The following ZCCHC24 variants were observed in gnomAD, a reference collection of about 807,000 sequenced individuals.
ZCCHC24 encodes the protein zinc finger CCHC domain-containing protein 24.
ZCCHC24 carries 10 observed loss-of-function variants against 26.2 expected under a neutral mutation model. That is an observed-to-expected ratio of 0.38 (90% CI 0.24 to 0.65). The LOEUF (loss-of-function observed/expected upper bound fraction) is 0.65. Among genes scored for constraint, ZCCHC24 ranks in the 30% least tolerant of loss-of-function variants. The pLI, the probability that ZCCHC24 is intolerant of heterozygous loss-of-function variation, is 0.54. For missense variants in ZCCHC24, 243 were observed against 329.1 expected (o/e 0.74, Z 2.03); for synonymous variants, 144 against 147.1 (o/e 0.98, Z 0.15).
chr10:79,424,773 G>A (rs183484325), intron 2 of ZCCHC24, among the ~76,000 whole-genome samples: 37 of 152,218 alleles, frequency 2.4e-4, no homozygotes, highest in East Asian at 7.7e-4. Context: ...CCCCAGGAGC[G>A]CCTGCTGTGG....
chr10:79,423,146 G>A (rs1456037500), intron 2 of ZCCHC24, among the ~76,000 whole-genome samples: 1 of 152,140 alleles, frequency 6.6e-6, no homozygotes, highest in East Asian at 1.9e-4. Context: ...ACCCACAGTG[G>A]CCACCCAATC....
At chr10:79,396,853 TAC>T (rs532491746) in intron 2 of ZCCHC24, among the ~76,000 whole-genome samples, 138 of 152,350 alleles carry the variant, frequency 9.1e-4, no homozygotes, top group African/African-American at 2.9e-3. Context: ...TTGGGCAAGT[TAC>T]TTCACAAGGA....
At chr10:79,391,778 C>A (rs1188495183) in intron 3 of ZCCHC24, among the ~76,000 whole-genome samples, 1 of 151,688 alleles carries the variant, frequency 6.6e-6, no homozygotes, top group Non-Finnish European at 1.5e-5. Context: ...CTCAGGGTAG[C>A]CTTCCCCCAG....
chr10:79,424,017 GAAAA>G (rs5786403), intron 2 of ZCCHC24, among the ~76,000 whole-genome samples: 1 of 122,480 alleles, frequency 8.2e-6, no homozygotes, highest in Non-Finnish European at 1.7e-5. Flanking sequence ...GACTCCGTCT[GAAAA>G]AAAAAAAAAA....
intron 2 of ZCCHC24, among the ~76,000 whole-genome samples, chr10:79,431,402 A>G (rs1857125601): frequency 6.6e-6 from 1 of 152,152 alleles, no homozygotes; most frequent in South Asian, 2.1e-4. Context: ...GGTCTGCAGG[A>G]AAGTCGTCAG....
At position 79,434,033 on chromosome 10, in the gene ZCCHC24, G is replaced by A. The variant is rs182005519; in HGVS notation, c.247-1275C>T. Among the ~76,000 whole-genome samples the A allele has an allele frequency of 3.1e-3, 467 of 152,292 alleles. 1 individual carries two copies. The highest frequency in any genetic ancestry group is 8.0e-3 in the African/African-American group (332 of 41,550). The stretch of plus-strand genomic sequence containing the variant: ...AGGCATCTGCCACTCCCCTCCTAGA[G>A]ACATGGTCCTCATCATCTGGGTGCC... On this transcript the variant is annotated intron_variant, in intron 1 of 3. Coordinates refer to ENST00000372336, the MANE Select transcript of ZCCHC24 (RefSeq NM_153367.4).
intron 1 of ZCCHC24, among the ~76,000 whole-genome samples, chr10:79,441,079 AACACACACACACACAC>A (rs55762333): frequency 7.4e-6 from 1 of 135,580 alleles, no homozygotes; most frequent in South Asian, 2.5e-4. Context: ...CTGCCCCCTA[AACACACACACACACAC>A]ACACACACAC....
At chr10:79,396,346 T>C (rs1476677223) in intron 2 of ZCCHC24, among the ~76,000 whole-genome samples, 1 of 152,220 alleles carries the variant, frequency 6.6e-6, no homozygotes, top group Admixed American at 6.5e-5. Flanking sequence ...TCTTAAAAGT[T>C]GAATGAGTTA....
chr10:79,408,722 G>C (rs1230811170), intron 2 of ZCCHC24, among the ~76,000 whole-genome samples: 1 of 152,176 alleles, frequency 6.6e-6, no homozygotes, highest in East Asian at 1.9e-4. Context: ...CAGAAGGTCT[G>C]TTCAGGGCAG....
At chr10:79,409,815 C>T (rs759395536) in intron 2 of ZCCHC24, among the ~76,000 whole-genome samples, 2 of 152,316 alleles carry the variant, frequency 1.3e-5, no homozygotes, top group South Asian at 2.1e-4. Context: ...AGCTGGAAGG[C>T]GAGGGCCGAC....
chr10:79,427,190 A>G (rs1857041590), intron 2 of ZCCHC24, among the ~76,000 whole-genome samples: 1 of 152,224 alleles, frequency 6.6e-6, no homozygotes, highest in Non-Finnish European at 1.5e-5. Context: ...ACTCAAATGA[A>G]TGAAGCAAAA....
intron 2 of ZCCHC24, among the ~76,000 whole-genome samples, chr10:79,428,951 T>C (rs548155225): frequency 1.3e-5 from 2 of 152,196 alleles, no homozygotes; most frequent in Admixed American, 6.5e-5. Context: ...AAAATCAGAA[T>C]ACTCTATAAT....
chr10:79,394,952 GCA>G (rs1856525682), intron 2 of ZCCHC24, among the ~76,000 whole-genome samples: 1 of 152,194 alleles, frequency 6.6e-6, no homozygotes. Flanking sequence ...GGCGGGCCCT[GCA>G]TTTACAGATG....
intron 2 of ZCCHC24, among the ~76,000 whole-genome samples, chr10:79,415,143 C>T (rs1452836315): frequency 6.6e-6 from 1 of 152,204 alleles, no homozygotes; most frequent in East Asian, 1.9e-4. Context: ...CTCACAAAGC[C>T]AGCCCCTCCC....
chr10:79,428,355 G>A (rs1054848907), intron 2 of ZCCHC24, among the ~76,000 whole-genome samples: 7 of 143,422 alleles, frequency 4.9e-5, no homozygotes, highest in Non-Finnish European at 7.7e-5. Flanking sequence ...GGTTGCTGGG[G>A]GGCAGGGAGG....
At chr10:79,389,477 T>A (rs1856442495) in intron 3 of ZCCHC24, among the ~76,000 whole-genome samples, 1 of 151,824 alleles carries the variant, frequency 6.6e-6, no homozygotes, top group Non-Finnish European at 1.5e-5. Context: ...AACCTCAACT[T>A]GCCCTTTTGG....
At chr10:79,404,836 A>G (rs749039794) in intron 2 of ZCCHC24, among the ~76,000 whole-genome samples, 3 of 152,102 alleles carry the variant, frequency 2.0e-5, no homozygotes, top group Non-Finnish European at 4.4e-5. Flanking sequence ...CCTTCCACCC[A>G]CAGCACTTAC....
intron 2 of ZCCHC24, among the ~76,000 whole-genome samples, chr10:79,407,487 C>A (rs531455707): frequency 9.2e-5 from 14 of 152,252 alleles, no homozygotes; most frequent in Non-Finnish European, 2.1e-4. Context: ...ACACTGCACG[C>A]TGCTGCCCTG....
chr10:79,386,678 C>T (rs1856402606), intron 3 of ZCCHC24, among the ~76,000 whole-genome samples: 1 of 152,164 alleles, frequency 6.6e-6, no homozygotes, highest in African/African-American at 2.4e-5. Context: ...CCTGTGGTCA[C>T]AGGTTGTTTC....
Sources: gnomAD v4.1 joint callset for allele counts (sites outside exome capture counted in the v4.1 genomes callset) on GRCh38, gnomAD v4.1.1 for gene constraint, MANE v1.5 for transcripts, NCBI Gene and HGNC (gene_info 2026-07-23, HGNC 2026-07-21) for gene names.